The following SYPL2 variants were observed in gnomAD, a reference collection of about 807,000 sequenced individuals.
The protein encoded by SYPL2 is synaptophysin-like protein 2.
A neutral mutation model predicts 31.3 loss-of-function variants in SYPL2; 24 were observed. That is an observed-to-expected ratio of 0.77 (90% CI 0.56 to 1.08). The LOEUF (loss-of-function observed/expected upper bound fraction) is 1.08, where lower values mean the gene tolerates loss of function less well. SYPL2 is among the 50% of genes least tolerant of loss of function. SYPL2 has a pLI of 0.00. For synonymous variants in SYPL2, 144 were observed against 143.1 expected (o/e 1.01, Z -0.05); for missense variants, 342 against 360.1 (o/e 0.95, Z 0.41).
intron 1 of SYPL2, 80 bp downstream of exon 1, chr1:109,466,977 C>T (rs1039446959): frequency 6.5e-7 from 1 of 1,536,200 alleles, no homozygotes; most frequent in East Asian, 2.4e-5. Flanking sequence ...ACCCCTGGAC[C>T]GCGTGTGAGT....
In SYPL2 at chr1:109,476,934, G is replaced by T; in HGVS notation, c.413G>T (p.Arg138Leu). 1 of 1,614,096 alleles carries T rather than the reference G, an allele frequency of 6.2e-7. No homozygotes were observed. The highest frequency in any genetic ancestry group is 1.3e-5 in the African/African-American group (1 of 75,006). Residue 138 changes from arginine (R) to leucine (L), a missense_variant, in exon 4 of 6, where the codon CGC (arginine) becomes CTC (leucine). By Grantham distance (102) the Arg-to-Leu change is moderately radical. Transcript: ENST00000369872. ...ATGGCTGCCCTAGTTATCTACCTGCGCTTCCACAACCTCTACACAGAGAAC... is the reference window on the plus strand; with the variant it reads ...ATGGCTGCCCTAGTTATCTACCTGCTCTTCCACAACCTCTACACAGAGAAC... ...YTMAALVIYL[R>L]FHNLYTENKR...
In SYPL2 at chr1:109,466,607, T is replaced by C. The variant is rs1655641445; in HGVS notation, c.-237T>C. 2.4e-6 allele frequency: 1 copy of C among 408,634 alleles called. No individual in the cohort carries two copies. The highest frequency in any genetic ancestry group is 6.8e-5 in the South Asian group (1 of 14,682). 25.3% of individuals were successfully genotyped at this position (408,634 alleles called of 1,614,324 possible). ...GTTTGAATCCGAGTCGGGGGCTTTC[T>C]GCTGCCGGCGGGGCACCGCGGCGGC... On this transcript the variant is annotated 5_prime_UTR_variant, in exon 1 of 6. Coordinates refer to ENST00000369872, the MANE Select transcript of SYPL2 (RefSeq NM_001040709.2).
intron 2 of SYPL2, among the ~76,000 whole-genome samples, chr1:109,474,616 C>G (rs1313356710): frequency 6.6e-6 from 1 of 152,076 alleles, no homozygotes; most frequent in Non-Finnish European, 1.5e-5. Context: ...GCTGGGATTA[C>G]AGGTGTGAGC....
intron 2 of SYPL2, among the ~76,000 whole-genome samples, chr1:109,469,963 G>C (rs1655776393): frequency 6.6e-6 from 1 of 151,406 alleles, no homozygotes; most frequent in African/African-American, 2.4e-5. Flanking sequence ...CTGGAACCTT[G>C]AGTGAGTAAA....
At position 109,477,790 on chromosome 1, in the gene SYPL2, G is replaced by T. The variant is rs779082563; in HGVS notation, c.457-28G>T. On this transcript the variant is annotated intron_variant, in intron 4 of 5. Transcript: ENST00000369872. The stretch of plus-strand genomic sequence containing the variant: ...AGGGAATCATGGGGCCTTTCTGAGT[G>T]TATTTCCCATCCCTCTGCTCCTCCC... 60 of 1,570,256 alleles carry T rather than the reference G, an allele frequency of 3.8e-5. 1 individual carries two copies. The highest frequency in any genetic ancestry group is 1.6e-4 in the Admixed American group (9 of 56,450).
Position 109,466,864 on chromosome 1 carries a change from C to G in SYPL2, c.21C>G (p.Ala7=). The change falls in exon 1 of 6, where the codon GCC becomes GCG. Residue 7 remains alanine (A), a synonymous_variant. Transcript: ENST00000369872. The part of the protein sequence containing the change: MSSTES[A]GRTADKSPRQ... ...CCAGCATGTCCTCGACCGAGAGCGC[C>G]GGCCGCACGGCGGACAAGTCGCCGC... 6.5e-7 allele frequency: 1 copy of G among 1,529,140 alleles called. No homozygotes were observed. Among genetic ancestry groups the G allele is most frequent in the South Asian group, 1.2e-5 (1 of 83,670 alleles). 94.7% of individuals were successfully genotyped at this position (1,529,140 alleles called of 1,614,324 possible). A position where few individuals can be genotyped will look rare whatever the true frequency, so the allele number is the denominator to read the frequency against.
chr1:109,467,258 C>G (rs1318951065), intron 2 of SYPL2, 125 bp downstream of exon 2: 4 of 136,366 alleles, frequency 2.9e-5, no homozygotes, highest in South Asian at 2.5e-4. Flanking sequence ...GGGTGGGGGG[C>G]GGCGACAGGT....
chr1:109,467,661 G>A (rs1655698500), intron 2 of SYPL2, among the ~76,000 whole-genome samples: 1 of 152,174 alleles, frequency 6.6e-6, no homozygotes, highest in African/African-American at 2.4e-5. Flanking sequence ...GGTCACTGGA[G>A]TAATCCGAGT....
chr1:109,476,539 G>T (rs577842522), intron 3 of SYPL2, among the ~76,000 whole-genome samples: 1 of 152,302 alleles, frequency 6.6e-6, no homozygotes, highest in South Asian at 2.1e-4. Flanking sequence ...CCATGTCTGG[G>T]CAGGGTAGAT....
intron 3 of SYPL2, 57 bp from the exon 4 acceptor site, chr1:109,476,719 G>A: frequency 1.3e-6 from 2 of 1,560,190 alleles, no homozygotes; most frequent in Non-Finnish European, 1.8e-6. Context: ...GACTACTTCT[G>A]GGCCAGGGAG....
intron 4 of SYPL2, among the ~76,000 whole-genome samples, chr1:109,477,478 G>A (rs1656037016): frequency 6.6e-6 from 1 of 152,120 alleles, no homozygotes; most frequent in Non-Finnish European, 1.5e-5. Flanking sequence ...ACTTGTATCT[G>A]AGCAATGGTG....
Position 109,479,393 on chromosome 1 carries a change from A to G in SYPL2, c.664A>G (p.Asn222Asp), listed in dbSNP as rs1209421834. The G allele has an allele frequency of 1.2e-6, 2 of 1,613,532 alleles. No homozygotes were observed. Among genetic ancestry groups the G allele is most frequent in the East Asian group, 2.2e-5 (1 of 44,842 alleles). ...ANISVLFGFINFFLWAGNCWF... is the reference protein window; with the variant it reads ...ANISVLFGFIDFFLWAGNCWF... ...GTCTTTGCAGCTCTTTGGCTTTATC[A>G]ACTTCTTCCTGTGGGCCGGGAACTG... Residue 222 changes from asparagine (N) to aspartate (D), a missense_variant, in exon 6 of 6, where the codon AAC becomes GAC. Asn to Asp is a conservative substitution (Grantham distance 23). Transcript: ENST00000369872.
chr1:109,471,113 C>T (rs1193982374), intron 2 of SYPL2, among the ~76,000 whole-genome samples: 1 of 152,154 alleles, frequency 6.6e-6, no homozygotes, highest in Non-Finnish European at 1.5e-5. Flanking sequence ...CTGGCTCTCA[C>T]ATTAACTAAA....
At position 109,481,689 on chromosome 1, in the gene SYPL2, C is replaced by A. The variant is rs1400354598; in HGVS notation, c.*2141C>A. 1.3e-5 allele frequency: 2 copies of A among 152,106 alleles called. No homozygotes were observed. The highest frequency in any genetic ancestry group is 4.8e-5 in the African/African-American group (2 of 41,400). The allele number at this position is 152,106 out of a possible 1,614,324, so 9.4% of individuals were successfully genotyped here. A position where few individuals can be genotyped will look rare whatever the true frequency, so the allele number is the denominator to read the frequency against. On this transcript the variant is annotated 3_prime_UTR_variant, in exon 6 of 6. Coordinates refer to ENST00000369872, the MANE Select transcript of SYPL2 (RefSeq NM_001040709.2). The stretch of plus-strand genomic sequence containing the variant: ...CCTCGTTCTCTTTCTTCTCAAGAGG[C>A]TCTCTTGTTCTCCATCAGGAGAGCC...
intron 3 of SYPL2, 129 bp downstream of exon 3, chr1:109,475,834 C>CA: frequency 7.4e-7 from 1 of 1,351,822 alleles, no homozygotes; most frequent in Non-Finnish European, 1.0e-6. Context: ...AATAGAATGA[C>CA]AAAACTTAGA....
At chr1:109,469,572 AT>A (rs530923699) in intron 2 of SYPL2, among the ~76,000 whole-genome samples, 82 of 141,284 alleles carry the variant, frequency 5.8e-4, no homozygotes, top group Middle Eastern at 3.6e-3. Context: ...CTTAAAAAAA[AT>A]TTTCTTTTTA....
chr1:109,469,554 A>G (rs1030911110), intron 2 of SYPL2, among the ~76,000 whole-genome samples: 4 of 117,896 alleles, frequency 3.4e-5, no homozygotes, highest in Non-Finnish European at 7.2e-5. Flanking sequence ...AGAAAAGAAA[A>G]GAAGTATCTT....
rs370149187 is a variant in SYPL2 at position 109,478,881 on chromosome 1, C to A, written c.649-497C>A. On this transcript the variant is annotated intron_variant, in intron 5 of 5. Transcript: ENST00000369872. The surrounding 1 kb of genome is among the most constrained non-coding windows in gnomAD (Gnocchi z 4.0). ...AGTGCATTTCAAAGATAATTTGGGACATCAGTACACTTCCCTCTAAGTACT... is the reference window on the plus strand; with the variant it reads ...AGTGCATTTCAAAGATAATTTGGGAAATCAGTACACTTCCCTCTAAGTACT... Among the ~76,000 whole-genome samples, 1 of 152,212 alleles carries A rather than the reference C, an allele frequency of 6.6e-6. No homozygotes were observed. The highest frequency in any genetic ancestry group is 1.5e-5 in the Non-Finnish European group (1 of 68,040).
chr1:109,475,812 A>G (rs887313792), intron 3 of SYPL2, 107 bp downstream of exon 3: 95 of 1,454,894 alleles, frequency 6.5e-5, no homozygotes, highest in Non-Finnish European at 2.7e-5. Flanking sequence ...ATTGCGTGCC[A>G]CTCCAGATTC....
Sources: gnomAD v4.1 joint callset for allele counts (sites outside exome capture counted in the v4.1 genomes callset) on GRCh38, gnomAD v4.1.1 for gene constraint, Gnocchi (gnomAD v3.1) non-coding constraint, MANE v1.5 for transcripts, NCBI Gene and HGNC (gene_info 2026-07-23, HGNC 2026-07-21) for gene names.